The following KLF8 variants were observed in gnomAD, a reference collection of about 807,000 sequenced individuals.
The protein encoded by KLF8 is KLF transcription factor 8.
A neutral mutation model predicts 18.2 loss-of-function variants in KLF8; 10 were observed. The observed-to-expected ratio is 0.55, with a 90% CI of 0.34 to 0.93. The LOEUF (loss-of-function observed/expected upper bound fraction) is 0.93. Ranked by LOEUF, KLF8 falls within the 40% of genes least tolerant of loss-of-function variation. The pLI is 0.02. For synonymous variants in KLF8, 109 were observed against 97.3 expected, an observed-to-expected ratio of 1.12 and a Z score of -0.71; for missense variants, 264 against 277.9, an observed-to-expected ratio of 0.95 and a Z score of 0.36.
the KLF8 span, among the ~76,000 whole-genome samples, chrX:56,125,655 C>G: frequency 4.6e-4 from 52 of 112,280 alleles, no homozygotes; most frequent in Admixed American, 1.4e-3. Flanking sequence ...TACCTTTTCT[C>G]CTTACAGAAT....
the KLF8 span, among the ~76,000 whole-genome samples, chrX:56,081,983 T>C: frequency 7.2e-5 from 8 of 111,630 alleles, no homozygotes; most frequent in African/African-American, 2.6e-4. Context: ...ATCAGGATTT[T>C]TTTCCCTCCT....
the KLF8 span, among the ~76,000 whole-genome samples, chrX:56,097,071 A>G: frequency 3.6e-5 from 4 of 111,780 alleles, no homozygotes; most frequent in Non-Finnish European, 7.5e-5. Context: ...TTAGCAAATC[A>G]GGTTCAACCA....
chrX:55,989,127 A>G, the KLF8 span, among the ~76,000 whole-genome samples: 14 of 111,944 alleles, frequency 1.3e-4, no homozygotes, highest in African/African-American at 4.6e-4. Flanking sequence ...TTTTCTAGAT[A>G]TACAAACATG....
chrX:56,189,299 T>G, the KLF8 span, among the ~76,000 whole-genome samples: 1 of 111,954 alleles, frequency 8.9e-6, no homozygotes, highest in Non-Finnish European at 1.9e-5. Context: ...ATCAGAGAAA[T>G]GCAAGTCAAA....
chrX:56,248,899 A>C (rs1260897834), intron 1 of KLF8, among the ~76,000 whole-genome samples: 1 of 111,638 alleles, frequency 9.0e-6, no homozygotes, highest in Non-Finnish European at 1.9e-5. Context: ...TACTTGAGAA[A>C]ACACATTCCC....
chrX:56,022,024 T>C, the KLF8 span, among the ~76,000 whole-genome samples: 1 of 109,285 alleles, frequency 9.2e-6, no homozygotes, highest in African/African-American at 3.3e-5. Context: ...TTCACTACAA[T>C]TTAAACCAAA....
chrX:56,238,739 T>C (rs747275303), intron 1 of KLF8, among the ~76,000 whole-genome samples: 2 of 112,090 alleles, frequency 1.8e-5, no homozygotes, highest in African/African-American at 6.5e-5. Flanking sequence ...CAATAGCTTC[T>C]AGTTCTACTT....
chrX:56,111,184 A>G, the KLF8 span, among the ~76,000 whole-genome samples: 1 of 112,559 alleles, frequency 8.9e-6, no homozygotes, highest in African/African-American at 3.2e-5. Flanking sequence ...CTGATGATAA[A>G]TCATATCTTT....
At chrX:56,103,058 C>G in the KLF8 span, among the ~76,000 whole-genome samples, 3 of 109,955 alleles carry the variant, frequency 2.7e-5, no homozygotes, top group Admixed American at 2.9e-4. Context: ...CTGTTCTGTT[C>G]CATTGGTCTA....
the KLF8 span, among the ~76,000 whole-genome samples, chrX:56,058,177 C>CATATATATAT: frequency 1.4e-5 from 1 of 73,837 alleles, no homozygotes; most frequent in African/African-American, 7.4e-5. Flanking sequence ...TATATATATA[C>CATATATATAT]ACACATATAT....
the KLF8 span, among the ~76,000 whole-genome samples, chrX:55,998,655 C>A: frequency 1.8e-5 from 2 of 111,704 alleles, no homozygotes; most frequent in African/African-American, 6.5e-5. Flanking sequence ...TAGTACATAA[C>A]AAAATGGAGT....
At chrX:56,170,781 C>T in the KLF8 span, among the ~76,000 whole-genome samples, 3 of 111,379 alleles carry the variant, frequency 2.7e-5, no homozygotes, top group Non-Finnish European at 3.8e-5. Context: ...GGAAAAATAA[C>T]AGAGAACTTC....
rs886896422 is a variant in KLF8 at position 56,279,137 on chromosome X, C to A, written c.899-5176C>A. Among the ~76,000 whole-genome samples, 3 of 111,191 alleles carry A rather than the reference C, an allele frequency of 2.7e-5. No individual in the cohort carries two copies. In the East Asian group the frequency reaches 8.4e-4, roughly 31 times the overall value. On this transcript the variant is annotated intron_variant, in intron 5 of 5. Coordinates refer to ENST00000468660, the MANE Select transcript of KLF8 (RefSeq NM_007250.5). ...AAAACCAGGTACTGTGAGTGGTCATCTGATTTTTCGTTCTTTTTTTTTATT... is the reference window on the plus strand; with the variant it reads ...AAAACCAGGTACTGTGAGTGGTCATATGATTTTTCGTTCTTTTTTTTTATT...
At chrX:56,075,551 A>T in the KLF8 span, among the ~76,000 whole-genome samples, 1 of 111,710 alleles carries the variant, frequency 9.0e-6, no homozygotes, top group Non-Finnish European at 1.9e-5. Flanking sequence ...ATTTTAAAAT[A>T]TACAATGTAA....
the KLF8 span, among the ~76,000 whole-genome samples, chrX:55,939,591 GT>G: frequency 9.0e-6 from 1 of 111,332 alleles, no homozygotes; most frequent in African/African-American, 3.3e-5. Context: ...CCAGGAGGTG[GT>G]TTTTTGGAAA....
chrX:56,113,559 T>A, the KLF8 span, among the ~76,000 whole-genome samples: 1 of 100,177 alleles, frequency 1.0e-5, no homozygotes, highest in Non-Finnish European at 2.0e-5. Flanking sequence ...GGATAGTTTT[T>A]TTTTTTTTTT....
chrX:56,198,080 G>C, the KLF8 span, among the ~76,000 whole-genome samples: 4 of 111,854 alleles, frequency 3.6e-5, no homozygotes, highest in African/African-American at 1.3e-4. Flanking sequence ...GTAATGATGG[G>C]ACTTATCTCA....
chrX:55,936,520 A>C, the KLF8 span, among the ~76,000 whole-genome samples: 1,274 of 112,844 alleles, frequency 0.011, 13 homozygotes, highest in African/African-American at 0.039. Context: ...AGAGTGCCAG[A>C]CAGTGGGTGC....
At chrX:55,978,272 G>A in the KLF8 span, among the ~76,000 whole-genome samples, 1 of 111,001 alleles carries the variant, frequency 9.0e-6, no homozygotes, top group Non-Finnish European at 1.9e-5. Flanking sequence ...TTTGTATTTG[G>A]AAGATCTCAC....
Sources: gnomAD v4.1 joint callset for allele counts (sites outside exome capture counted in the v4.1 genomes callset) on GRCh38, gnomAD v4.1.1 for gene constraint, MANE v1.5 for transcripts, NCBI Gene and HGNC (gene_info 2026-07-23, HGNC 2026-07-21) for gene names.